Variants in CES5A observed in about 807,000 individuals in gnomAD.
CES5A encodes the protein carboxylesterase 5A.
CES5A carries 67 observed loss-of-function variants against 62.9 expected under a neutral mutation model. The observed-to-expected ratio is 1.07, with a 90% CI of 0.88 to 1.31. The LOEUF is 1.31. Ranked by LOEUF, CES5A falls within the 50% of genes most tolerant of loss-of-function variation. CES5A has a pLI of 0.00. For missense variants in CES5A, 748 were observed against 708.5 expected, an observed-to-expected ratio of 1.06 and a Z score of -0.63; for synonymous variants, 296 against 280.8, an observed-to-expected ratio of 1.05 and a Z score of -0.54.
chr16:55,846,689 G>C lies in CES5A; in HGVS notation c.1497-7C>G. 1 of 1,613,850 alleles carries C rather than the reference G, an allele frequency of 6.2e-7. No individual in the cohort carries two copies. The highest frequency in any genetic ancestry group is 1.1e-5 in the South Asian group (1 of 91,076). On this transcript the variant is annotated splice_region_variant and splice_polypyrimidine_tract_variant and intron_variant, in intron 12 of 12. Transcript: ENST00000290567. ...GTCGTTCCCATTAGGATTCCTAGAAGGGAGAGCAGAAACAGGGGTGAGATT... is the reference window on the plus strand; with the variant it reads ...GTCGTTCCCATTAGGATTCCTAGAACGGAGAGCAGAAACAGGGGTGAGATT...
intron 7 of CES5A, among the ~76,000 whole-genome samples, chr16:55,860,788 G>A (rs2033336850): frequency 6.6e-6 from 1 of 152,214 alleles, no homozygotes; most frequent in Non-Finnish European, 1.5e-5. Context: ...ATGGCTCAGA[G>A]TGGACATTCA....
At chr16:55,928,883 C>G (rs1395758196), upstream of CES5A, among the ~76,000 whole-genome samples, 2 of 152,122 alleles carry the variant, frequency 1.3e-5, no homozygotes, top group Admixed American at 6.5e-5. Flanking sequence ...TACCTGTGTC[C>G]CCAGGACTCA....
At chr16:55,911,382 A>G (rs1343246736) in intron 1 of CES5A, among the ~76,000 whole-genome samples, 1 of 152,164 alleles carries the variant, frequency 6.6e-6, no homozygotes, top group African/African-American at 2.4e-5. Flanking sequence ...TTTAAAATCT[A>G]TTAATAAGGA....
chr16:55,884,920 T>C (rs1243271357), intron 1 of CES5A, among the ~76,000 whole-genome samples: 7 of 152,186 alleles, frequency 4.6e-5, no homozygotes, highest in Admixed American at 4.6e-4. Context: ...GTGATACTCG[T>C]GCTCCTTTCG....
At chr16:55,924,199 A>G (rs750236851) in intron 1 of CES5A, among the ~76,000 whole-genome samples, 2 of 151,954 alleles carry the variant, frequency 1.3e-5, no homozygotes, top group Non-Finnish European at 2.9e-5. Context: ...AAACTGTTAG[A>G]ATTGATAAAC....
chr16:55,955,933 C>A, exon 1 of CES5A: 1 of 1,531,162 alleles, frequency 6.5e-7, no homozygotes, highest in Non-Finnish European at 8.8e-7. Flanking sequence ...CCCAGCTGGC[C>A]TTGACACAGA....
At chr16:55,867,426 G>A (rs762902497) in intron 4 of CES5A, among the ~76,000 whole-genome samples, 6 of 152,130 alleles carry the variant, frequency 3.9e-5, no homozygotes, top group African/African-American at 1.4e-4. Flanking sequence ...TGTCTAGACC[G>A]AAAGCATGCA....
intron 1 of CES5A, among the ~76,000 whole-genome samples, chr16:55,924,184 A>AC (rs1359321065): frequency 1.3e-5 from 2 of 151,520 alleles, no homozygotes; most frequent in Non-Finnish European, 3.0e-5. Flanking sequence ...ATACACACAC[A>AC]AAAAAAACTG....
upstream of CES5A, among the ~76,000 whole-genome samples, chr16:55,877,907 A>T (rs1338696768): frequency 1.3e-5 from 2 of 152,222 alleles, no homozygotes; most frequent in African/African-American, 4.8e-5. Flanking sequence ...GGGAGGAGGG[A>T]GTAGGAAAGG....
At chr16:55,909,367 A>AT (rs1485017800) in intron 1 of CES5A, among the ~76,000 whole-genome samples, 5 of 152,232 alleles carry the variant, frequency 3.3e-5, no homozygotes, top group Non-Finnish European at 7.3e-5. Flanking sequence ...CCTCACATTC[A>AT]TCAGCAAAAC....
intron 1 of CES5A, among the ~76,000 whole-genome samples, chr16:55,917,588 T>C (rs2034160303): frequency 6.6e-6 from 1 of 152,192 alleles, no homozygotes; most frequent in Non-Finnish European, 1.5e-5. Flanking sequence ...CATGTAGGCA[T>C]CTCAGGCAGC....
At chr16:55,869,805 G>C (rs1186093066) in intron 3 of CES5A, 61 bp from the exon 4 acceptor site, 3 of 1,535,508 alleles carry the variant, frequency 2.0e-6, no homozygotes, top group Non-Finnish European at 2.6e-6. Flanking sequence ...TCCCCATGCA[G>C]TTTGAGGCAC....
At chr16:55,900,089 G>GA (rs1423615871) in intron 1 of CES5A, among the ~76,000 whole-genome samples, 1 of 147,210 alleles carries the variant, frequency 6.8e-6, no homozygotes, top group Non-Finnish European at 1.5e-5. Context: ...CCTGAATGCA[G>GA]ACCCCCCTTC....
At chr16:55,860,112 T>G (rs1182104054) in intron 7 of CES5A, among the ~76,000 whole-genome samples, 1 of 152,046 alleles carries the variant, frequency 6.6e-6, no homozygotes, top group Non-Finnish European at 1.5e-5. Flanking sequence ...ATAAATCTCA[T>G]GAGATCTGAT....
upstream of CES5A, among the ~76,000 whole-genome samples, chr16:55,875,667 G>T (rs1474934192): frequency 6.6e-6 from 1 of 152,210 alleles, no homozygotes; most frequent in South Asian, 2.1e-4. Flanking sequence ...CAAGCGAGTG[G>T]CTCTGAAGGC....
upstream of CES5A, among the ~76,000 whole-genome samples, chr16:55,878,345 G>A (rs2142421732): frequency 6.6e-6 from 1 of 152,090 alleles, no homozygotes; most frequent in East Asian, 1.9e-4. Flanking sequence ...CAAAACAAAG[G>A]AGTGGTGCTC....
At chr16:55,860,102 A>G (rs1177443237) in intron 7 of CES5A, among the ~76,000 whole-genome samples, 1 of 152,142 alleles carries the variant, frequency 6.6e-6, no homozygotes, top group Admixed American at 6.5e-5. Flanking sequence ...ATGATAGTGA[A>G]TAAATCTCAT....
At chr16:55,947,484 A>G (rs1318408922) in intron 2 of CES5A, among the ~76,000 whole-genome samples, 1 of 152,178 alleles carries the variant, frequency 6.6e-6, no homozygotes, top group Admixed American at 6.5e-5. Flanking sequence ...GATGTTAGGA[A>G]TAAAGTGAAC....
At chr16:55,876,724 G>A (rs2033699026), upstream of CES5A, among the ~76,000 whole-genome samples, 1 of 152,204 alleles carries the variant, frequency 6.6e-6, no homozygotes, top group African/African-American at 2.4e-5. Context: ...CCACAGCAGA[G>A]CAGAAGTGGT....
Sources: gnomAD v4.1 joint callset for allele counts (sites outside exome capture counted in the v4.1 genomes callset) on GRCh38, gnomAD v4.1.1 for gene constraint, MANE v1.5 for transcripts, NCBI Gene and HGNC (gene_info 2026-07-23, HGNC 2026-07-21) for gene names.